UGT2B7: variants seen among roughly 807,000 people sequenced by gnomAD.
UGT2B7 encodes the protein UDP-glucuronosyltransferase 2B7.
A neutral mutation model predicts 51.9 loss-of-function variants in UGT2B7; 51 were observed. The ratio of observed to expected loss-of-function variants is 0.98; its 90% CI spans 0.78 to 1.24. The LOEUF (loss-of-function observed/expected upper bound fraction) is 1.24. Among genes scored for constraint, UGT2B7 ranks in the 50% most tolerant of loss-of-function variants. The pLI, the probability that UGT2B7 is intolerant of heterozygous loss-of-function variation, is 0.00. For synonymous variants in UGT2B7, 225 were observed against 211.6 expected (o/e 1.06, Z -0.55); for missense variants, 727 against 628.4 (o/e 1.16, Z -1.68).
chr4:69,105,721 T>C (rs750679942), intron 3 of UGT2B7, among the ~76,000 whole-genome samples: 16 of 152,314 alleles, frequency 1.1e-4, no homozygotes, highest in Non-Finnish European at 2.2e-4. Context: ...AATAACCACC[T>C]GAAATTTATT....
intron 1 of UGT2B7, among the ~76,000 whole-genome samples, chr4:69,064,807 C>G (rs1010656630): frequency 6.6e-6 from 1 of 152,018 alleles, no homozygotes; most frequent in Middle Eastern, 3.2e-3. Context: ...AAAAAGATGT[C>G]AATTTATAAA....
At chr4:69,080,279 G>A (rs1307612907) in intron 1 of UGT2B7, among the ~76,000 whole-genome samples, 2 of 152,054 alleles carry the variant, frequency 1.3e-5, no homozygotes, top group East Asian at 3.9e-4. Flanking sequence ...CAGGTGTGGT[G>A]GCTCACACCT....
rs772494853 is a variant in UGT2B7 at position 69,098,655 on chromosome 4, A to G, written c.837A>G (p.Gly279=). ...TACCAAATGTTGATTTTGTTGGAGG[A>G]CTCCACTGCAAACCTGCCAAACCCC... ...PLLPNVDFVG[G]LHCKPAKPLP... Residue 279 remains glycine (G), a synonymous_variant, in exon 2 of 6, where the codon GGA becomes GGG. Coordinates refer to ENST00000305231, the MANE Select transcript of UGT2B7 (RefSeq NM_001074.4). 6.8e-6 allele frequency: 11 copies of G among 1,611,962 alleles called. 1 individual carries two copies. The South Asian group carries it at 1.1e-4, about 16-fold the overall frequency.
Position 69,108,092 on chromosome 4 carries a change from T to C in UGT2B7, c.1091-11T>C. Reference sequence around the variant, plus strand: ...CTATGAGTAATTTTGCTAAAATTCATCCAATCCTAGGTCATCCAAAGACCA... The same window carrying C: ...CTATGAGTAATTTTGCTAAAATTCACCCAATCCTAGGTCATCCAAAGACCA... On this transcript the variant is annotated splice_polypyrimidine_tract_variant and intron_variant, in intron 4 of 5. Coordinates refer to ENST00000305231, the MANE Select transcript of UGT2B7 (RefSeq NM_001074.4). The C allele has an allele frequency of 6.2e-7, 1 of 1,612,866 alleles. No individual in the cohort carries two copies. The highest frequency in any genetic ancestry group is 8.5e-7 in the Non-Finnish European group (1 of 1,179,308).
intron 1 of UGT2B7, among the ~76,000 whole-genome samples, chr4:69,068,880 A>G (rs891686917): frequency 1.3e-5 from 2 of 152,086 alleles, no homozygotes; most frequent in African/African-American, 4.8e-5. Flanking sequence ...AAATGGAACT[A>G]CAATGCCTCA....
intron 3 of UGT2B7, among the ~76,000 whole-genome samples, chr4:69,106,917 A>T (rs1350846650): frequency 6.6e-6 from 1 of 151,612 alleles, no homozygotes; most frequent in African/African-American, 2.4e-5. Context: ...AAGGTGTAAC[A>T]ATTTTTTAAA....
In UGT2B7 at chr4:69,083,062, T is replaced by A. The variant is rs1263202887; in HGVS notation, c.-158-6410T>A. On this transcript the variant is annotated intron_variant, in intron 1 of 5. Coordinates refer to the UGT2B7 transcript ENST00000502942. ...GTACTATAAATAGAAAAACAATGCC[T>A]AGATGACAGCACATATTTTAAAAGC... 2.0e-5 allele frequency among the ~76,000 whole-genome samples: 3 copies of A among 152,130 alleles called. No homozygotes were observed. The East Asian group carries it at 5.8e-4, about 29-fold the overall frequency.
intron 1 of UGT2B7, among the ~76,000 whole-genome samples, chr4:69,057,956 T>C (rs1718245176): frequency 6.6e-6 from 1 of 152,156 alleles, no homozygotes; most frequent in Non-Finnish European, 1.5e-5. Flanking sequence ...CAGAGGACAG[T>C]CAGGGCATTC....
chr4:69,077,178 C>T (rs1353702346), intron 1 of UGT2B7, among the ~76,000 whole-genome samples: 1 of 152,118 alleles, frequency 6.6e-6, no homozygotes, highest in Admixed American at 6.6e-5. Context: ...GTTTTGGTTA[C>T]TGTACCCTTG....
intron 1 of UGT2B7, among the ~76,000 whole-genome samples, chr4:69,075,297 G>A (rs980676330): frequency 3.9e-5 from 6 of 152,094 alleles, no homozygotes; most frequent in African/African-American, 1.4e-4. Flanking sequence ...GAAAGTGACA[G>A]CATAATTTGG....
intron 1 of UGT2B7, among the ~76,000 whole-genome samples, chr4:69,063,017 G>T (rs1489934538): frequency 6.6e-6 from 1 of 152,100 alleles, no homozygotes; most frequent in Non-Finnish European, 1.5e-5. Context: ...TGCCGTCACT[G>T]CATGCACACT....
intron 1 of UGT2B7, among the ~76,000 whole-genome samples, chr4:69,078,861 C>A (rs1275580045): frequency 6.6e-6 from 1 of 152,108 alleles, no homozygotes; most frequent in Non-Finnish European, 1.5e-5. Context: ...GGAGTCTGCA[C>A]CGCCTGGTGA....
In UGT2B7 at chr4:69,075,888, T is replaced by C. The variant is rs76734938; in HGVS notation, c.-158-13584T>C. 2.4e-4 allele frequency among the ~76,000 whole-genome samples: 37 copies of C among 152,274 alleles called. No individual in the cohort carries two copies. The East Asian group carries it at 7.2e-3, about 29-fold the overall frequency. ...GTGGTTTGCTGCACCCATCAACCTG[T>C]CACCTATATTAGGTATTTCTCCTAA... On this transcript the variant is annotated intron_variant, in intron 1 of 5. Coordinates refer to the UGT2B7 transcript ENST00000502942.
chr4:69,091,696 G>A (rs1275635587), upstream of UGT2B7, among the ~76,000 whole-genome samples: 1 of 152,158 alleles, frequency 6.6e-6, no homozygotes, highest in Non-Finnish European at 1.5e-5. Context: ...CAGCTCTGCT[G>A]TGCTGGTTGT....
In UGT2B7 at chr4:69,083,207, T is replaced by G. The variant is rs114575395; in HGVS notation, c.-158-6265T>G. On this transcript the variant is annotated intron_variant, in intron 1 of 5. Coordinates refer to the UGT2B7 transcript ENST00000502942. ...GGACACCCAAAAGTTCTGATAGGAA[T>G]GTACAAAGAGATTAATGTTGTTTTC... 9.4e-3 allele frequency among the ~76,000 whole-genome samples: 1,435 copies of G among 152,218 alleles called. 17 individuals carry two copies. Among genetic ancestry groups the G allele is most frequent in the African/African-American group, 0.032 (1,331 of 41,560 alleles).
intron 1 of UGT2B7, among the ~76,000 whole-genome samples, chr4:69,071,210 C>A (rs557123128): frequency 2.6e-4 from 39 of 152,196 alleles, no homozygotes; most frequent in African/African-American, 8.9e-4. Context: ...TACATGATTT[C>A]TCTCTTGAAA....
chr4:69,052,085 T>C (rs1718033642), intron 1 of UGT2B7, among the ~76,000 whole-genome samples: 1 of 152,086 alleles, frequency 6.6e-6, no homozygotes, highest in Non-Finnish European at 1.5e-5. Context: ...ATGGAGTCAC[T>C]ATGACTCCAG....
At chr4:69,061,099 G>A (rs116537499) in intron 1 of UGT2B7, among the ~76,000 whole-genome samples, 4,076 of 152,254 alleles carry the variant, frequency 0.027, 172 homozygotes, top group African/African-American at 0.093. Context: ...CTCAGCAGTA[G>A]AGGCACAGTC....
At chr4:69,112,404 G>T in intron 5 of UGT2B7, 53 bp from the exon 6 acceptor site, 4 of 1,575,142 alleles carry the variant, frequency 2.5e-6, no homozygotes, top group Non-Finnish European at 3.4e-6. Context: ...TGTCTGAGGG[G>T]TTTTGTCTGT....
Sources: allele counts gnomAD v4.1 joint callset (sites outside exome capture counted in the v4.1 genomes callset), GRCh38; gene constraint gnomAD v4.1.1; transcripts MANE v1.5; gene names NCBI Gene and HGNC (gene_info 2026-07-23, HGNC 2026-07-21).